The following CRYL1 variants were observed in gnomAD, a reference collection of about 807,000 sequenced individuals.
The protein encoded by CRYL1 is crystallin lambda 1, also known as lambda-crystallin homolog.
A neutral mutation model predicts 36.6 loss-of-function variants in CRYL1; 29 were observed. The observed-to-expected ratio is 0.79, with a 90% CI of 0.59 to 1.08. CRYL1 has a LOEUF of 1.08. CRYL1 is among the 50% of genes least tolerant of loss of function. CRYL1 has a pLI of 0.00. For synonymous variants in CRYL1, 152 were observed against 151.5 expected, an observed-to-expected ratio of 1.00 and a Z score of -0.02; for missense variants, 411 against 407.9, an observed-to-expected ratio of 1.01 and a Z score of -0.06.
chr13:20,413,244 A>C, intron 6 of CRYL1, 38 bp downstream of exon 6: 8 of 1,396,700 alleles, frequency 5.7e-6, no homozygotes, highest in Non-Finnish European at 8.1e-6. Context: ...GACAACACTA[A>C]ATAGAATGGA....
intron 1 of CRYL1, among the ~76,000 whole-genome samples, chr13:20,521,591 G>A (rs2034099490): frequency 2.0e-5 from 3 of 152,096 alleles, no homozygotes; most frequent in Non-Finnish European, 4.4e-5. Context: ...GTAATTCAAT[G>A]CCCTTCCCAC....
intron 2 of CRYL1, among the ~76,000 whole-genome samples, chr13:20,490,708 G>C (rs913520153): frequency 1.3e-5 from 2 of 152,174 alleles, no homozygotes; most frequent in African/African-American, 2.4e-5. Flanking sequence ...CCTCTTCCTT[G>C]GGTCAGTCCC....
Position 20,481,798 on chromosome 13 carries a change from C to G in CRYL1, c.276+7572G>C, listed in dbSNP as rs2033283757. 6.6e-6 allele frequency among the ~76,000 whole-genome samples: 1 copy of G among 152,140 alleles called. No individual in the cohort carries two copies. Among genetic ancestry groups the G allele is most frequent in the South Asian group, 2.1e-4 (1 of 4,816 alleles). On this transcript the variant is annotated intron_variant, in intron 3 of 7. Coordinates refer to ENST00000298248, the MANE Select transcript of CRYL1 (RefSeq NM_015974.3). The surrounding 1 kb of genome is among the most constrained non-coding windows in gnomAD (Gnocchi z 4.1). ...TGGTGGTGGGCGCCTATAATCCCAG[C>G]TACTTGGGAGGCTGAGGTAGGAGAA...
intron 2 of CRYL1, among the ~76,000 whole-genome samples, chr13:20,503,646 G>A (rs2033743375): frequency 6.6e-6 from 1 of 152,232 alleles, no homozygotes; most frequent in Admixed American, 6.5e-5. Flanking sequence ...GGTGAGAGGA[G>A]CAAAGTCACA....
At chr13:20,443,239 G>A (rs745331253) in intron 3 of CRYL1, among the ~76,000 whole-genome samples, 1 of 152,160 alleles carries the variant, frequency 6.6e-6, no homozygotes, top group African/African-American at 2.4e-5. Context: ...ACTCCCAGGG[G>A]AAGGGTGTGC....
At chr13:20,426,568 G>T in intron 5 of CRYL1, 1 of 419,676 alleles carries the variant, frequency 2.4e-6, no homozygotes, top group Non-Finnish European at 3.2e-6. Flanking sequence ...CTTGCGGTCA[G>T]AGAGAAGGAG....
At chr13:20,464,028 C>T (rs1485613310) in intron 3 of CRYL1, among the ~76,000 whole-genome samples, 1 of 151,896 alleles carries the variant, frequency 6.6e-6, no homozygotes, top group African/African-American at 2.4e-5. Context: ...TCCTGTTAAC[C>T]GACATTAAAA....
chr13:20,485,731 A>C (rs1056979466), intron 3 of CRYL1, among the ~76,000 whole-genome samples: 4 of 149,988 alleles, frequency 2.7e-5, no homozygotes, highest in African/African-American at 9.8e-5. Context: ...TGCCCAAGAA[A>C]ATCAGTTAAC....
Position 20,454,235 on chromosome 13 carries a change from C to T in CRYL1, c.277-14481G>A, listed in dbSNP as rs1016476539. Among the ~76,000 whole-genome samples, 7 of 152,076 alleles carry T rather than the reference C, an allele frequency of 4.6e-5. No individual in the cohort carries two copies. In the South Asian group the frequency reaches 1.2e-3, roughly 27 times the overall value. ...AACACATATGCAAAAAAAATCTCAA[C>T]AAAAAAGGATAGTGCGTTATGACCA... On this transcript the variant is annotated intron_variant, in intron 3 of 7. Coordinates refer to ENST00000298248, the MANE Select transcript of CRYL1 (RefSeq NM_015974.3).
At chr13:20,486,576 A>G (rs966819868) in intron 3 of CRYL1, among the ~76,000 whole-genome samples, 2 of 151,400 alleles carry the variant, frequency 1.3e-5, no homozygotes, top group Non-Finnish European at 2.9e-5. Context: ...TTTCTCTGGT[A>G]CTGGAGGTAC....
intron 1 of CRYL1, among the ~76,000 whole-genome samples, chr13:20,524,031 G>A (rs1056401068): frequency 2.0e-5 from 3 of 152,290 alleles, no homozygotes; most frequent in East Asian, 1.9e-4. Flanking sequence ...AGGCCAAAGC[G>A]CTTGCACCCA....
chr13:20,430,223 G>A lies in CRYL1; in HGVS notation c.633+1879C>T, dbSNP rs2032027769. On this transcript the variant is annotated intron_variant, in intron 5 of 7. Transcript: ENST00000298248. ...AATTATCTTCTAGACTTTCACCAAG[G>A]TAATTCTTTGGGTTTTACTCACATT... 3.0e-6 allele frequency: 3 copies of A among 984,092 alleles called. No homozygotes were observed. The African/African-American group carries it at 5.2e-5, about 17-fold the overall frequency. The allele number at this position is 984,092 out of a possible 1,614,324, so 61.0% of individuals were successfully genotyped here. A position where few individuals can be genotyped will look rare whatever the true frequency, so the allele number is the denominator to read the frequency against.
At position 20,404,735 on chromosome 13, in the gene CRYL1, A is replaced by G. The variant is rs1395976695; in HGVS notation, c.746T>C (p.Leu249Ser). 1.2e-6 allele frequency: 2 copies of G among 1,603,584 alleles called. No homozygotes were observed. Among genetic ancestry groups the G allele is most frequent in the Non-Finnish European group, 1.7e-6 (2 of 1,170,818 alleles). The change falls in exon 7 of 8, where the codon TTA becomes TCA. Residue 249 changes from leucine (L) to serine (S), a missense_variant. Coordinates refer to ENST00000298248, the MANE Select transcript of CRYL1 (RefSeq NM_015974.3). ...ETMHLNAEGM[L>S]SYCDRYSEGI... is the part of the protein sequence containing the mutation. ...TTCGCTGTATCTGTCGCAGTAGCTT[A>G]ACATACCTGGAATTGTATGAAGACA...
At chr13:20,437,892 T>G (rs567583053) in intron 4 of CRYL1, among the ~76,000 whole-genome samples, 1 of 152,172 alleles carries the variant, frequency 6.6e-6, no homozygotes. Flanking sequence ...GGTTAGAAAT[T>G]AGGAGGCTGA....
At chr13:20,438,986 T>C (rs1244416677) in intron 4 of CRYL1, among the ~76,000 whole-genome samples, 1 of 152,188 alleles carries the variant, frequency 6.6e-6, no homozygotes, top group Non-Finnish European at 1.5e-5. Context: ...CCTCATAATG[T>C]ACTCCTGGCA....
chr13:20,419,906 T>G (rs1041398539), intron 5 of CRYL1, among the ~76,000 whole-genome samples: 3 of 152,218 alleles, frequency 2.0e-5, no homozygotes, highest in African/African-American at 7.2e-5. Flanking sequence ...GAAAAAGATC[T>G]GACCCAGTGG....
chr13:20,496,174 T>C (rs1189836305), intron 2 of CRYL1, among the ~76,000 whole-genome samples: 1 of 152,104 alleles, frequency 6.6e-6, no homozygotes, highest in Non-Finnish European at 1.5e-5. Context: ...GCCATATGAC[T>C]CCACCTACAA....
intron 3 of CRYL1, among the ~76,000 whole-genome samples, chr13:20,469,338 A>T (rs1389799858): frequency 6.6e-6 from 1 of 152,214 alleles, no homozygotes; most frequent in Non-Finnish European, 1.5e-5. Flanking sequence ...TTCTTCTGTA[A>T]ATCCACAGAC....
At chr13:20,456,298 A>C (rs1593456194) in intron 3 of CRYL1, among the ~76,000 whole-genome samples, 1 of 151,690 alleles carries the variant, frequency 6.6e-6, no homozygotes, top group Non-Finnish European at 1.5e-5. Flanking sequence ...ACATGACAAA[A>C]CCCTGTCTCT....
Sources: allele counts gnomAD v4.1 joint callset (sites outside exome capture counted in the v4.1 genomes callset), GRCh38; gene constraint gnomAD v4.1.1; non-coding constraint Gnocchi (gnomAD v3.1); transcripts MANE v1.5; gene names NCBI Gene and HGNC (gene_info 2026-07-23, HGNC 2026-07-21).